Variants in SUFU observed in about 807,000 individuals in gnomAD.
SUFU encodes suppressor of fused homolog.
Under a neutral mutation model 58.9 loss-of-function variants are expected in SUFU, and 7 were observed. That is an observed-to-expected ratio of 0.12 (90% CI 0.07 to 0.22). SUFU has a LOEUF of 0.22. Among genes scored for constraint, SUFU ranks in the 10% least tolerant of loss-of-function variants. SUFU has a pLI of 1.00. For missense variants in SUFU, 451 were observed against 641.3 expected, an observed-to-expected ratio of 0.70 and a Z score of 3.20; for synonymous variants, 232 against 254.8, an observed-to-expected ratio of 0.91 and a Z score of 0.85.
chr10:102,514,369 A>G (rs2062439403), intron 2 of SUFU, among the ~76,000 whole-genome samples: 1 of 152,202 alleles, frequency 6.6e-6, no homozygotes, highest in South Asian at 2.1e-4. Flanking sequence ...AGGGATGAAG[A>G]GTATGATGAT....
intron 1 of SUFU, among the ~76,000 whole-genome samples, chr10:102,506,671 G>A (rs751262074): frequency 3.9e-5 from 6 of 152,200 alleles, no homozygotes; most frequent in Non-Finnish European, 7.3e-5. Context: ...GAGCCAGTGC[G>A]ACCAGCCATC....
At chr10:102,536,358 T>C (rs2062740221) in intron 2 of SUFU, among the ~76,000 whole-genome samples, 1 of 135,922 alleles carries the variant, frequency 7.4e-6, no homozygotes, top group Non-Finnish European at 1.5e-5. Context: ...ATAATAATTT[T>C]ATTGCTTTTT....
chr10:102,556,942 T>C (rs774978427), intron 3 of SUFU, among the ~76,000 whole-genome samples: 5 of 148,752 alleles, frequency 3.4e-5, no homozygotes, highest in Non-Finnish European at 5.9e-5. Flanking sequence ...ATACAAAAAA[T>C]TAGCTGGATG....
intron 8 of SUFU, among the ~76,000 whole-genome samples, chr10:102,609,152 T>C (rs7898797): frequency 1 from 152,073 of 152,334 alleles, 75,907 homozygotes; most frequent in East Asian, 1. Context: ...TTATTTAAGT[T>C]TCTGAGTTTC....
intron 8 of SUFU, among the ~76,000 whole-genome samples, chr10:102,607,543 T>C (rs1450881715): frequency 1.3e-5 from 2 of 152,180 alleles, no homozygotes; most frequent in African/African-American, 4.8e-5. Flanking sequence ...GCAGTTATCC[T>C]GAAAAGGTGG....
At chr10:102,569,477 TACCTGAGTTC>T (rs973074645) in intron 3 of SUFU, among the ~76,000 whole-genome samples, 2 of 152,214 alleles carry the variant, frequency 1.3e-5, no homozygotes, top group African/African-American at 4.8e-5. Context: ...AGCCCTGCAC[TACCTGAGTTC>T]ACCCTCACAA....
rs545301487 is a variant in SUFU, at chr10:102,535,971, T to A, written c.318-13999T>A. Among the ~76,000 whole-genome samples, 552 of 118,152 alleles carry A rather than the reference T, an allele frequency of 4.7e-3. 5 individuals are homozygous for A. The highest frequency in any genetic ancestry group is 0.015 in the African/African-American group (508 of 34,282). 77.5% of individuals were successfully genotyped at this position (118,152 alleles called of 152,430 possible). A position where few individuals can be genotyped will look rare whatever the true frequency, so the allele number is the denominator to read the frequency against. On this transcript the variant is annotated intron_variant, in intron 2 of 11. Coordinates refer to ENST00000369902, the MANE Select transcript of SUFU (RefSeq NM_016169.4). ...GATGATGATGATGATGATGATGATG[T>A]TGTTGATGATTTTAAGACAGAGTCT...
rs1304058014 is a variant in SUFU at position 102,625,914 on chromosome 10, T to C, written c.1297-1261T>C. Among the ~76,000 whole-genome samples, 5 of 152,230 alleles carry C rather than the reference T, an allele frequency of 3.3e-5. No homozygotes were observed. Among genetic ancestry groups the C allele is most frequent in the Admixed American group, 6.5e-5 (1 of 15,286 alleles). ...CGTGGAAACTTTTGTTCTTGGCAGC[T>C]GACAATTCCCAGGGGAAACCTGGTG... On this transcript the variant is annotated intron_variant, in intron 10 of 11. Transcript: ENST00000369902. The surrounding 1 kb of genome is among the most constrained non-coding windows in gnomAD (Gnocchi z 4.7).
At chr10:102,532,104 A>G (rs1316989096) in intron 2 of SUFU, among the ~76,000 whole-genome samples, 1 of 152,112 alleles carries the variant, frequency 6.6e-6, no homozygotes, top group African/African-American at 2.4e-5. Context: ...CTGGGATTAC[A>G]GGTGCATGCT....
At chr10:102,537,999 C>G (rs1046501333) in intron 2 of SUFU, among the ~76,000 whole-genome samples, 1 of 152,200 alleles carries the variant, frequency 6.6e-6, no homozygotes, top group Non-Finnish European at 1.5e-5. Flanking sequence ...GCAGCTGTAT[C>G]ATCTTACATT....
At chr10:102,614,119 G>A (rs1371341565) in intron 8 of SUFU, among the ~76,000 whole-genome samples, 1 of 152,196 alleles carries the variant, frequency 6.6e-6, no homozygotes, top group Non-Finnish European at 1.5e-5. Flanking sequence ...GAGCCTTCAG[G>A]GTCAGCTGGA....
chr10:102,552,998 C>T (rs1222655859), intron 3 of SUFU, among the ~76,000 whole-genome samples: 1 of 152,202 alleles, frequency 6.6e-6, no homozygotes, highest in African/African-American at 2.4e-5. Context: ...GAGGCCCTTT[C>T]TGTACCTGAT....
chr10:102,520,130 C>G (rs771763628), intron 2 of SUFU, among the ~76,000 whole-genome samples: 47 of 151,528 alleles, frequency 3.1e-4, no homozygotes, highest in Non-Finnish European at 3.7e-4. Flanking sequence ...CATTGGGGAA[C>G]CAATATTGAT....
At chr10:102,531,424 G>T (rs892243053) in intron 2 of SUFU, among the ~76,000 whole-genome samples, 10 of 152,178 alleles carry the variant, frequency 6.6e-5, no homozygotes, top group Non-Finnish European at 1.3e-4. Context: ...CCCAGCCTTT[G>T]TAGTCCCAAC....
intron 3 of SUFU, among the ~76,000 whole-genome samples, chr10:102,582,834 C>G (rs1157157496): frequency 6.6e-6 from 1 of 152,162 alleles, no homozygotes; most frequent in Non-Finnish European, 1.5e-5. Flanking sequence ...TCTACCCAGC[C>G]CTTACCTGGA....
At chr10:102,568,209 T>TAAAA (rs71912020) in intron 3 of SUFU, among the ~76,000 whole-genome samples, 1 of 144,446 alleles carries the variant, frequency 6.9e-6, no homozygotes. Flanking sequence ...CATTTTTACT[T>TAAAA]AAAAAAAAAA....
chr10:102,578,093 G>T (rs1446441783), intron 3 of SUFU, among the ~76,000 whole-genome samples: 1 of 145,058 alleles, frequency 6.9e-6, no homozygotes, highest in African/African-American at 2.5e-5. Context: ...GAATCACGAG[G>T]TCAGGAGATC....
chr10:102,546,779 TCCAG>T (rs2062860079), intron 2 of SUFU, among the ~76,000 whole-genome samples: 1 of 152,236 alleles, frequency 6.6e-6, no homozygotes, highest in African/African-American at 2.4e-5. Context: ...AGAGGTTGCG[TCCAG>T]CCAGCCCGTG....
intron 3 of SUFU, among the ~76,000 whole-genome samples, chr10:102,566,539 C>A (rs928554384): frequency 1.3e-5 from 2 of 151,804 alleles, no homozygotes; most frequent in African/African-American, 4.8e-5. Context: ...GCCAAGGGGG[C>A]GGCTCACAGG....
Sources: allele counts gnomAD v4.1 joint callset (sites outside exome capture counted in the v4.1 genomes callset), GRCh38; gene constraint gnomAD v4.1.1; non-coding constraint Gnocchi (gnomAD v3.1); transcripts MANE v1.5; gene names NCBI Gene and HGNC (gene_info 2026-07-23, HGNC 2026-07-21).